ABLIM2: variants seen among roughly 807,000 people sequenced by gnomAD.
ABLIM2 encodes the protein actin-binding LIM protein 2.
ABLIM2 carries 53 observed loss-of-function variants against 97.7 expected under a neutral mutation model. The ratio of observed to expected loss-of-function variants is 0.54; its 90% CI spans 0.44 to 0.68. The LOEUF (loss-of-function observed/expected upper bound fraction) is 0.68, where lower values mean the gene tolerates loss of function less well. Ranked by LOEUF, ABLIM2 falls within the 30% of genes least tolerant of loss-of-function variation. The pLI, the probability that ABLIM2 is intolerant of heterozygous loss-of-function variation, is 0.00. For synonymous variants in ABLIM2, 361 were observed against 345.8 expected (o/e 1.04, Z -0.49); for missense variants, 835 against 867.2 (o/e 0.96, Z 0.47).
At chr4:8,039,856 T>G (rs889419949) in intron 9 of ABLIM2, among the ~76,000 whole-genome samples, 17 of 148,620 alleles carry the variant, frequency 1.1e-4, no homozygotes, top group South Asian at 1.1e-3. Flanking sequence ...TTTAATTTCC[T>G]CTGGTGTGCT....
chr4:8,110,856 A>G lies in ABLIM2; in HGVS notation c.11-4219T>C, dbSNP rs1041525012. ...CTGCCTCCATGCAGGTGCCGCTCCT[A>G]CAGGCTTCCCTCCAGCTGGCCCTTC... On this transcript the variant is annotated intron_variant, in intron 1 of 20. Transcript: ENST00000447017. Among the ~76,000 whole-genome samples, 8 of 152,312 alleles carry G rather than the reference A, an allele frequency of 5.3e-5. No individual in the cohort carries two copies. The East Asian group carries it at 1.5e-3, about 29-fold the overall frequency.
At chr4:7,971,828 G>A (rs1472563271) in intron 20 of ABLIM2, among the ~76,000 whole-genome samples, 2 of 152,112 alleles carry the variant, frequency 1.3e-5, no homozygotes, top group Non-Finnish European at 2.9e-5. Context: ...CCTCCACACA[G>A]CCCACCAGTC....
At chr4:8,020,119 G>T in intron 13 of ABLIM2, 83 bp downstream of exon 13, 1 of 1,319,480 alleles carries the variant, frequency 7.6e-7, no homozygotes, top group Non-Finnish European at 1.0e-6. Flanking sequence ...CTGAGTCAAG[G>T]CAAGCTGACA....
At chr4:8,088,317 C>T (rs765259902) in intron 3 of ABLIM2, 33 bp from the exon 4 acceptor site, 6 of 1,565,782 alleles carry the variant, frequency 3.8e-6, no homozygotes, top group Admixed American at 3.4e-5. Flanking sequence ...CAGCCAGGCC[C>T]ACCTTCTGGC....
chr4:8,127,244 C>T lies in ABLIM2; in HGVS notation c.11-20607G>A, dbSNP rs1339205015. 6.6e-6 allele frequency among the ~76,000 whole-genome samples: 1 copy of T among 152,130 alleles called. No individual in the cohort carries two copies. Among genetic ancestry groups the T allele is most frequent in the African/African-American group, 2.4e-5 (1 of 41,432 alleles). On this transcript the variant is annotated intron_variant, in intron 1 of 20. Coordinates refer to ENST00000447017, the MANE Select transcript of ABLIM2 (RefSeq NM_001130083.2). This position sits in a 1 kb window ranked among gnomAD's most constrained non-coding sequence, Gnocchi z 7.3. ...TCCAGACGCAGCTCCGATACCAGCA[C>T]CGTGTGAGGTTGGATCAGACTCTTC...
In ABLIM2 at chr4:8,128,640, T is replaced by C. The variant is rs1047276174; in HGVS notation, c.11-22003A>G. Among the ~76,000 whole-genome samples, 1 of 152,152 alleles carries C rather than the reference T, an allele frequency of 6.6e-6. No homozygotes were observed. The highest frequency in any genetic ancestry group is 6.5e-5 in the Admixed American group (1 of 15,284). ...TAAGGCAGGAAAGCGATGAAGTCAT[T>C]GTCTAGCCCAAGGCCACTGCCGTGG... On this transcript the variant is annotated intron_variant, in intron 1 of 20. Coordinates refer to ENST00000447017, the MANE Select transcript of ABLIM2 (RefSeq NM_001130083.2). This position sits in a 1 kb window ranked among gnomAD's most constrained non-coding sequence, Gnocchi z 4.9.
At chr4:8,154,253 C>G (rs1284632410) in intron 1 of ABLIM2, among the ~76,000 whole-genome samples, 2 of 147,792 alleles carry the variant, frequency 1.4e-5, no homozygotes, top group African/African-American at 5.0e-5. Flanking sequence ...TGAGCCACCG[C>G]ACCCAGCCAC....
In ABLIM2 at chr4:8,015,670, C is replaced by T. The variant is rs1395397900; in HGVS notation, c.1423+3948G>A. 6.6e-6 allele frequency among the ~76,000 whole-genome samples: 1 copy of T among 152,152 alleles called. No individual in the cohort carries two copies. Among genetic ancestry groups the T allele is most frequent in the African/African-American group, 2.4e-5 (1 of 41,426 alleles). On this transcript the variant is annotated intron_variant, in intron 14 of 20. Transcript: ENST00000447017. This position sits in a 1 kb window ranked among gnomAD's most constrained non-coding sequence, Gnocchi z 4.6. ...TTTGGGTGGGCAGGAGTGACAGCCC[C>T]CACCTGCCGGACAAGTGGTGGGAGG... is the stretch of plus-strand genomic sequence containing the variant.
rs2149949468 is a variant in ABLIM2 at position 7,992,674 on chromosome 4, C to T, written c.1680+192G>A. On this transcript the variant is annotated intron_variant, in intron 17 of 20. Coordinates refer to ENST00000447017, the MANE Select transcript of ABLIM2 (RefSeq NM_001130083.2). The surrounding 1 kb of genome is among the most constrained non-coding windows in gnomAD (Gnocchi z 5.7). ...AGAGTGGGGAGGGTGTTGCCCAGGT[C>T]TGGTTCGGTCCTGCTAGGGAAAAAG... Among the ~76,000 whole-genome samples the T allele has an allele frequency of 6.6e-6, 1 of 152,204 alleles. No homozygotes were observed. Among genetic ancestry groups the T allele is most frequent in the African/African-American group, 2.4e-5 (1 of 41,534 alleles).
chr4:8,020,167 T>C (rs1334111556), intron 13 of ABLIM2, 35 bp downstream of exon 13: 3 of 1,589,436 alleles, frequency 1.9e-6, no homozygotes, highest in Non-Finnish European at 2.6e-6. Context: ...ACAGTTTCAG[T>C]GTAAGGAGCC....
intron 20 of ABLIM2, among the ~76,000 whole-genome samples, chr4:7,976,355 G>T (rs1046141214): frequency 6.6e-6 from 1 of 152,104 alleles, no homozygotes; most frequent in Non-Finnish European, 1.5e-5. Flanking sequence ...ATCATGCTTT[G>T]CCCCAGACCC....
chr4:8,022,583 G>C lies in ABLIM2; in HGVS notation c.1268-2280C>G, dbSNP rs1031006593. The C allele has an allele frequency of 6.6e-6, 1 of 152,192 alleles. No homozygotes were observed. The highest frequency in any genetic ancestry group is 1.5e-5 in the Non-Finnish European group (1 of 68,170). The allele number at this position is 152,192 out of a possible 1,614,324, so 9.4% of individuals were successfully genotyped here. On this transcript the variant is annotated intron_variant, in intron 12 of 20. Transcript: ENST00000447017. This position sits in a 1 kb window ranked among gnomAD's most constrained non-coding sequence, Gnocchi z 7.8. ...CCCTCCCAGCACCCCGCCCCTTGAC[G>C]AGTGTCCTCTCCAGGGCTTCCCACC...
At chr4:8,145,745 T>TAAAC (rs1851682709) in intron 1 of ABLIM2, among the ~76,000 whole-genome samples, 2 of 138,578 alleles carry the variant, frequency 1.4e-5, no homozygotes, top group African/African-American at 5.4e-5. Flanking sequence ...TACACACTCA[T>TAAAC]ACACACACAC....
intron 7 of ABLIM2, among the ~76,000 whole-genome samples, chr4:8,059,529 C>A (rs2076768): frequency 1.3e-5 from 2 of 151,832 alleles, no homozygotes; most frequent in African/African-American, 2.4e-5. Context: ...CCGGCCCCCC[C>A]ACTTGACATA....
chr4:8,016,789 G>A (rs78497859), intron 14 of ABLIM2, among the ~76,000 whole-genome samples: 2,328 of 152,248 alleles, frequency 0.015, 76 homozygotes, highest in African/African-American at 0.053. Flanking sequence ...CAGTGTTGGC[G>A]TCTCTACCAA....
intron 1 of ABLIM2, among the ~76,000 whole-genome samples, chr4:8,151,586 G>T (rs1048115805): frequency 6.6e-6 from 1 of 152,154 alleles, no homozygotes; most frequent in African/African-American, 2.4e-5. Context: ...GGCGCAGCAG[G>T]GTCCCTAAAA....
chr4:8,030,139 C>A (rs909668253), intron 10 of ABLIM2, among the ~76,000 whole-genome samples: 1 of 152,280 alleles, frequency 6.6e-6, no homozygotes, highest in South Asian at 2.1e-4. Flanking sequence ...GTGTGAGAAC[C>A]ACGGAGACTC....
chr4:8,042,635 T>G (rs1187556778), intron 9 of ABLIM2, among the ~76,000 whole-genome samples: 1 of 150,860 alleles, frequency 6.6e-6, no homozygotes, highest in African/African-American at 2.4e-5. Flanking sequence ...AGGTCGGGAG[T>G]TTGAGACCAG....
At position 8,075,196 on chromosome 4, in the gene ABLIM2, C is replaced by A. The variant is rs925701633; in HGVS notation, c.675+2432G>T. ...GAAAGAAGCCGGTCATGAAAGACTA[C>A]ATATTTCATGATTCCATTCATATGA... On this transcript the variant is annotated intron_variant, in intron 6 of 20. Coordinates refer to ENST00000447017, the MANE Select transcript of ABLIM2 (RefSeq NM_001130083.2). This position sits in a 1 kb window ranked among gnomAD's most constrained non-coding sequence, Gnocchi z 4.4. 1.3e-5 allele frequency among the ~76,000 whole-genome samples: 2 copies of A among 152,182 alleles called. 1 individual carries two copies. The highest frequency in any genetic ancestry group is 2.9e-5 in the Non-Finnish European group (2 of 68,050).
Sources: gnomAD v4.1 joint callset for allele counts (sites outside exome capture counted in the v4.1 genomes callset) on GRCh38, gnomAD v4.1.1 for gene constraint, Gnocchi (gnomAD v3.1) non-coding constraint, MANE v1.5 for transcripts, NCBI Gene and HGNC (gene_info 2026-07-23, HGNC 2026-07-21) for gene names.